Variants in RABEP1 observed in about 807,000 individuals in gnomAD.
RABEP1 encodes the protein rab GTPase-binding effector protein 1.
A neutral mutation model predicts 123.4 loss-of-function variants in RABEP1; 51 were observed. That is an observed-to-expected ratio of 0.41 (90% CI 0.33 to 0.52). RABEP1 has a LOEUF of 0.52. Ranked by LOEUF, RABEP1 falls within the 20% of genes least tolerant of loss-of-function variation. RABEP1 has a pLI of 0.16. For missense variants in RABEP1, 888 were observed against 996.3 expected, an observed-to-expected ratio of 0.89 and a Z score of 1.46; for synonymous variants, 347 against 355.2, an observed-to-expected ratio of 0.98 and a Z score of 0.26.
At chr17:5,324,589 A>G (rs1409007573) in intron 2 of RABEP1, among the ~76,000 whole-genome samples, 3 of 152,242 alleles carry the variant, frequency 2.0e-5, no homozygotes, top group Admixed American at 2.0e-4. Context: ...GCATCAGGCT[A>G]AGAAGCCTCT....
intron 1 of RABEP1, among the ~76,000 whole-genome samples, chr17:5,303,424 T>G (rs2144505604): frequency 6.6e-6 from 1 of 152,170 alleles, no homozygotes; most frequent in South Asian, 2.1e-4. Flanking sequence ...GTATTTTTGG[T>G]AGAGACAGGG....
Position 5,332,037 on chromosome 17 carries a change from G to A in RABEP1, c.252G>A (p.Glu84=). Residue 84 remains glutamate, a synonymous_variant, in exon 3 of 18, where the codon GAG becomes GAA. Transcript: ENST00000537505. ...CCCAGCTGTGGGAAGCTCAAGCAGA[G>A]ATGGAGAATATTAAGGCGATTGCCA... ...LRTQLWEAQA[E]MENIKAIATV... The A allele has an allele frequency of 2.5e-6, 4 of 1,614,122 alleles. No homozygotes were observed. Among genetic ancestry groups the A allele is most frequent in the Non-Finnish European group, 3.4e-6 (4 of 1,180,032 alleles).
chr17:5,311,145 A>G (rs2075236036), intron 2 of RABEP1, among the ~76,000 whole-genome samples: 2 of 152,122 alleles, frequency 1.3e-5, no homozygotes, highest in East Asian at 3.9e-4. Context: ...AGGGTTCGTT[A>G]AAACAAGGAT....
chr17:5,338,018 G>C lies in RABEP1; in HGVS notation c.529-1G>C. ...TAGCATTTAATTCTTTTTAACCATA[G>C]GCCCAAGAGGATGCTGAGAAACTTC... is the stretch of plus-strand genomic sequence containing the variant. On this transcript the variant is annotated splice_acceptor_variant, in intron 4 of 17. Coordinates refer to ENST00000537505, the MANE Select transcript of RABEP1 (RefSeq NM_004703.6). LOFTEE classifies it high-confidence loss of function. 1 of 1,607,992 alleles carries C rather than the reference G, an allele frequency of 6.2e-7. No individual in the cohort carries two copies. Among genetic ancestry groups the C allele is most frequent in the Non-Finnish European group, 8.5e-7 (1 of 1,177,918 alleles).
intron 1 of RABEP1, 35 bp downstream of exon 1, chr17:5,282,555 G>T: frequency 8.7e-7 from 1 of 1,152,658 alleles, no homozygotes; most frequent in Non-Finnish European, 1.1e-6. Context: ...CGGCGGGCGC[G>T]GCCTGCCCGG....
rs866705037 is a variant in RABEP1 at position 5,384,109 on chromosome 17, C to T, written c.*886C>T. ...TTTTCAACTTGGATCATTAGGCTTA[C>T]GTACTACTTGTTTCAAATGTGTCAA... On this transcript the variant is annotated 3_prime_UTR_variant, in exon 18 of 18. Transcript: ENST00000537505. 4.7e-5 allele frequency: 10 copies of T among 213,268 alleles called. No homozygotes were observed. Among genetic ancestry groups the T allele is most frequent in the South Asian group, 1.9e-4 (1 of 5,372 alleles). The allele number at this position is 213,268 out of a possible 1,614,324, so 13.2% of individuals were successfully genotyped here. A position where few individuals can be genotyped will look rare whatever the true frequency, so the allele number is the denominator to read the frequency against.
At chr17:5,382,978 T>A (rs1911620339) in intron 17 of RABEP1, 144 bp from the exon 18 acceptor site, 7 of 656,812 alleles carry the variant, frequency 1.1e-5, no homozygotes, top group South Asian at 1.9e-5. Flanking sequence ...GAATTATTTT[T>A]AAAATTTTTA....
chr17:5,379,776 G>A (rs1911299324), intron 15 of RABEP1, among the ~76,000 whole-genome samples: 2 of 152,082 alleles, frequency 1.3e-5, no homozygotes, highest in Admixed American at 1.3e-4. Flanking sequence ...TTAGAAACTT[G>A]TTCGCGTCCC....
chr17:5,353,907 C>T (rs1908782168), intron 7 of RABEP1, among the ~76,000 whole-genome samples: 1 of 152,156 alleles, frequency 6.6e-6, no homozygotes, highest in Non-Finnish European at 1.5e-5. Flanking sequence ...ATTGCTTGAA[C>T]CCAGGAGGTT....
chr17:5,324,964 CTAAAA>C (rs1317801795), intron 2 of RABEP1, among the ~76,000 whole-genome samples: 2 of 152,236 alleles, frequency 1.3e-5, no homozygotes, highest in African/African-American at 4.8e-5. Flanking sequence ...CCTCAAAAGA[CTAAAA>C]TAAGAGTTGC....
intron 7 of RABEP1, among the ~76,000 whole-genome samples, chr17:5,351,855 C>T (rs536034743): frequency 5.9e-5 from 9 of 152,084 alleles, no homozygotes; most frequent in Non-Finnish European, 8.8e-5. Context: ...ATTTTCATAT[C>T]GACGTTGTAT....
intron 5 of RABEP1, among the ~76,000 whole-genome samples, chr17:5,340,578 A>T (rs1368610180): frequency 6.6e-6 from 1 of 152,060 alleles, no homozygotes; most frequent in Non-Finnish European, 1.5e-5. Flanking sequence ...GACATGAAAA[A>T]AATACTCATG....
At chr17:5,371,091 G>C (rs1223732021) in intron 12 of RABEP1, among the ~76,000 whole-genome samples, 1 of 151,838 alleles carries the variant, frequency 6.6e-6, no homozygotes, top group Non-Finnish European at 1.5e-5. Flanking sequence ...CTCAGCCTCT[G>C]GAGTAGCTGG....
chr17:5,385,509 G>C lies in RABEP1; in HGVS notation c.*2286G>C, dbSNP rs1597309323. 1 of 230,766 alleles carries C rather than the reference G, an allele frequency of 4.3e-6. No homozygotes were observed. Among genetic ancestry groups the C allele is most frequent in the Non-Finnish European group, 8.6e-6 (1 of 116,504 alleles). The allele number at this position is 230,766 out of a possible 1,614,324, so 14.3% of individuals were successfully genotyped here. ...GAACTCACATTGGCAAGTGTAAAAA[G>C]ATGACTTAAGGTGAAGTGAGGACAA... On this transcript the variant is annotated 3_prime_UTR_variant, in exon 18 of 18. Coordinates refer to ENST00000537505, the MANE Select transcript of RABEP1 (RefSeq NM_004703.6).
chr17:5,305,927 C>T (rs1207840008), intron 1 of RABEP1, among the ~76,000 whole-genome samples: 1 of 152,060 alleles, frequency 6.6e-6, no homozygotes, highest in Non-Finnish European at 1.5e-5. Context: ...ATGTTAGTTC[C>T]TCAAAAATTA....
chr17:5,376,271 T>C (rs1910984641), intron 13 of RABEP1, among the ~76,000 whole-genome samples: 1 of 152,176 alleles, frequency 6.6e-6, no homozygotes, highest in East Asian at 1.9e-4. Flanking sequence ...TGGTGAGATA[T>C]GATTATGCCA....
chr17:5,299,068 A>G (rs1004973549), intron 1 of RABEP1, among the ~76,000 whole-genome samples: 5 of 152,160 alleles, frequency 3.3e-5, no homozygotes, highest in African/African-American at 4.8e-5. Flanking sequence ...AGTAACACCA[A>G]ATATCCATTC....
Position 5,380,631 on chromosome 17 carries a change from G to T in RABEP1, c.2370+169G>T, listed in dbSNP as rs367711990. The T allele has an allele frequency of 8.2e-5, 54 of 661,294 alleles. 1 individual carries two copies. The South Asian group carries it at 8.3e-4, about 10-fold the overall frequency. The allele number at this position is 661,294 out of a possible 1,614,324, so 41.0% of individuals were successfully genotyped here. On this transcript the variant is annotated intron_variant, in intron 16 of 17. Transcript: ENST00000537505. ...AACTTAAACGAATTGATCTATTCCA[G>T]CTGGGTTAAATCTTTTCTGCCAGGT... is the stretch of plus-strand genomic sequence containing the variant.
intron 2 of RABEP1, among the ~76,000 whole-genome samples, chr17:5,313,089 G>A (rs573014271): frequency 6.6e-6 from 1 of 152,138 alleles, no homozygotes; most frequent in African/African-American, 2.4e-5. Context: ...CAGCCTGGTC[G>A]ACAGAGCGAG....
Sources: gnomAD v4.1 joint callset for allele counts (sites outside exome capture counted in the v4.1 genomes callset) on GRCh38, gnomAD v4.1.1 for gene constraint, MANE v1.5 for transcripts, NCBI Gene and HGNC (gene_info 2026-07-23, HGNC 2026-07-21) for gene names.